LRRC8A: variants seen among roughly 807,000 people sequenced by gnomAD.
LRRC8A encodes the protein volume-regulated anion channel subunit LRRC8A.
LRRC8A carries 24 observed loss-of-function variants against 52.5 expected under a neutral mutation model. That is an observed-to-expected ratio of 0.46 (90% CI 0.33 to 0.64). LRRC8A has a LOEUF of 0.64. LRRC8A is among the 30% of genes least tolerant of loss of function. The pLI is 0.02. For synonymous variants in LRRC8A, 492 were observed against 494.2 expected, an observed-to-expected ratio of 1.00 and a Z score of 0.06; for missense variants, 677 against 1,094.7, an observed-to-expected ratio of 0.62 and a Z score of 5.38.
At chr9:128,896,062 C>T (rs1156246842) in intron 2 of LRRC8A, among the ~76,000 whole-genome samples, 1 of 152,206 alleles carries the variant, frequency 6.6e-6, no homozygotes. Context: ...AAGTCCCTTC[C>T]CCATTTTCTT....
intron 2 of LRRC8A, among the ~76,000 whole-genome samples, chr9:128,896,190 C>T (rs1044340907): frequency 6.6e-6 from 1 of 152,198 alleles, no homozygotes; most frequent in African/African-American, 2.4e-5. Context: ...GCATCATCTA[C>T]AACTTGTTTT....
rs756207612 is a variant in LRRC8A at position 128,909,037 on chromosome 9, A to C, written c.1873A>C (p.Asn625His). The C allele has an allele frequency of 2.7e-5, 43 of 1,614,020 alleles. 1 individual carries two copies. Among genetic ancestry groups the C allele is most frequent in the Middle Eastern group, 1.6e-4 (1 of 6,084 alleles). The stretch of plus-strand genomic sequence containing the variant: ...GCAGGAGATTGACCTCAAGGACAAC[A>C]ACCTCAAGACCATCGAGGAGATCAT... The part of the protein sequence containing the change: ...NLQEIDLKDN[N>H]LKTIEEIISF... Residue 625 changes from asparagine to histidine, a missense_variant, in exon 3 of 4, where the codon AAC becomes CAC. Around this residue, in one of 4 missense-constraint regions of LRRC8A, gnomAD observed 422 missense variants for 741.5 expected, o/e 0.57. Coordinates refer to ENST00000372600, the MANE Select transcript of LRRC8A (RefSeq NM_019594.4).
intron 2 of LRRC8A, among the ~76,000 whole-genome samples, chr9:128,886,979 C>G (rs1839423649): frequency 6.6e-6 from 1 of 152,154 alleles, no homozygotes; most frequent in Non-Finnish European, 1.5e-5. Context: ...GAATCCAGAC[C>G]CTGGAATCCT....
At chr9:128,900,928 A>C (rs2130988260) in intron 2 of LRRC8A, among the ~76,000 whole-genome samples, 1 of 152,012 alleles carries the variant, frequency 6.6e-6, no homozygotes, top group Admixed American at 6.6e-5. Flanking sequence ...TAATCCCCGC[A>C]CTGTGGGAAG....
At chr9:128,901,649 C>A (rs1197504013) in intron 2 of LRRC8A, among the ~76,000 whole-genome samples, 2 of 152,162 alleles carry the variant, frequency 1.3e-5, no homozygotes, top group East Asian at 3.9e-4. Context: ...TGGTATCATG[C>A]CCACCATGTA....
chr9:128,909,370 C>G, intron 3 of LRRC8A, 49 bp downstream of exon 3: 1 of 1,568,820 alleles, frequency 6.4e-7, no homozygotes. Context: ...GGTGGCCTGG[C>G]CAGGGCTTGT....
At chr9:128,915,348 AT>A (rs1840761548) in intron 3 of LRRC8A, among the ~76,000 whole-genome samples, 1 of 152,056 alleles carries the variant, frequency 6.6e-6, no homozygotes, top group Non-Finnish European at 1.5e-5. Flanking sequence ...TTTTTTTGAG[AT>A]GGAGTCTCAC....
chr9:128,917,912 G>C lies in LRRC8A; in HGVS notation c.*1541G>C, dbSNP rs924501267. 1 of 152,634 alleles carries C rather than the reference G, an allele frequency of 6.6e-6. No individual in the cohort carries two copies. Among genetic ancestry groups the C allele is most frequent in the Non-Finnish European group, 1.5e-5 (1 of 68,034 alleles). 9.5% of individuals were successfully genotyped at this position (152,634 alleles called of 1,614,324 possible). A position where few individuals can be genotyped will look rare whatever the true frequency, so the allele number is the denominator to read the frequency against. On this transcript the variant is annotated 3_prime_UTR_variant, in exon 4 of 4. Transcript: ENST00000372600. Reference sequence around the variant, plus strand: ...TCCGTCCATTTGTGTTTTCTGCGTCGTGTCATTGGATATAATCCTCAGAAA... The same window carrying C: ...TCCGTCCATTTGTGTTTTCTGCGTCCTGTCATTGGATATAATCCTCAGAAA...
rs552112364 is a variant in LRRC8A at position 128,889,700 on chromosome 9, G to A, written c.-9+3579G>A. ...AGTAGAGACGGGGTGTCACCATATT[G>A]GCCATGGCTGGTCTCGATCTCCTGA... On this transcript the variant is annotated intron_variant, in intron 2 of 3. Coordinates refer to ENST00000372600, the MANE Select transcript of LRRC8A (RefSeq NM_019594.4). Among the ~76,000 whole-genome samples, 16 of 151,954 alleles carry A rather than the reference G, an allele frequency of 1.1e-4. No homozygotes were observed. The South Asian group carries it at 2.7e-3, about 26-fold the overall frequency.
intron 2 of LRRC8A, among the ~76,000 whole-genome samples, chr9:128,904,805 T>C (rs141456169): frequency 0.014 from 2,084 of 151,660 alleles, 21 homozygotes; most frequent in East Asian, 0.023. Context: ...CCATCCTGGC[T>C]AACACGGTGA....
At chr9:128,905,587 G>A (rs1840213704) in intron 2 of LRRC8A, among the ~76,000 whole-genome samples, 2 of 152,214 alleles carry the variant, frequency 1.3e-5, no homozygotes, top group African/African-American at 4.8e-5. Flanking sequence ...GCTCACTCCT[G>A]TAATCCCAGC....
At chr9:128,890,000 A>G (rs1247235677) in intron 2 of LRRC8A, among the ~76,000 whole-genome samples, 1 of 151,106 alleles carries the variant, frequency 6.6e-6, no homozygotes, top group African/African-American at 2.4e-5. Context: ...ACGGGGTTTC[A>G]CCTTGTTGGT....
Position 128,916,453 on chromosome 9 carries a change from A to T in LRRC8A, c.*82A>T, listed in dbSNP as rs919749885. On this transcript the variant is annotated 3_prime_UTR_variant, in exon 4 of 4. Transcript: ENST00000372600. The surrounding 1 kb of genome is among the most constrained non-coding windows in gnomAD (Gnocchi z 6.1). ...AGGGGCAGGCCTAGCTTCTCCCAGA[A>T]CTCCCGGACAGCCAGGACAGCCTCG... The T allele has an allele frequency of 1.0e-5, 15 of 1,476,152 alleles. No individual in the cohort carries two copies. Among genetic ancestry groups the T allele is most frequent in the Admixed American group, 2.2e-5 (1 of 45,082 alleles). 91.4% of individuals were successfully genotyped at this position (1,476,152 alleles called of 1,614,324 possible). A position where few individuals can be genotyped will look rare whatever the true frequency, so the allele number is the denominator to read the frequency against.
At chr9:128,884,559 A>G (rs1839314512) in intron 1 of LRRC8A, among the ~76,000 whole-genome samples, 1 of 152,194 alleles carries the variant, frequency 6.6e-6, no homozygotes, top group South Asian at 2.1e-4. Flanking sequence ...CCATATTAAT[A>G]GAAATATTAC....
chr9:128,909,404 T>G, intron 3 of LRRC8A, 83 bp downstream of exon 3: 1 of 1,368,008 alleles, frequency 7.3e-7, no homozygotes, highest in Non-Finnish European at 1.0e-6. Context: ...GCAGGCTCAG[T>G]GTCCTGGGAC....
intron 1 of LRRC8A, among the ~76,000 whole-genome samples, chr9:128,885,697 T>C (rs111817513): frequency 0.047 from 7,199 of 152,110 alleles, 194 homozygotes; most frequent in Middle Eastern, 0.082. Flanking sequence ...CCCTGGAGGT[T>C]AGGAGTTTGA....
At chr9:128,910,189 G>A (rs1379339595) in intron 3 of LRRC8A, among the ~76,000 whole-genome samples, 5 of 152,302 alleles carry the variant, frequency 3.3e-5, no homozygotes, top group East Asian at 3.9e-4. Flanking sequence ...TCTTCCACCC[G>A]TCCTGGGGAC....
At chr9:128,903,615 T>A (rs894446169) in intron 2 of LRRC8A, among the ~76,000 whole-genome samples, 1 of 151,738 alleles carries the variant, frequency 6.6e-6, no homozygotes, top group South Asian at 2.1e-4. Flanking sequence ...GAGTTTCACC[T>A]TGTTAGCCAG....
At chr9:128,903,412 CTTTT>C (rs534139914) in intron 2 of LRRC8A, among the ~76,000 whole-genome samples, 3 of 132,446 alleles carry the variant, frequency 2.3e-5, no homozygotes, top group Non-Finnish European at 1.6e-5. Context: ...AGGTGCTGTT[CTTTT>C]TTTTTTTTTT....
Sources: gnomAD v4.1 joint callset for allele counts (sites outside exome capture counted in the v4.1 genomes callset) on GRCh38, gnomAD v4.1.1 for gene constraint, gnomAD v4.1.1 regional missense constraint, Gnocchi (gnomAD v3.1) non-coding constraint, MANE v1.5 for transcripts, NCBI Gene and HGNC (gene_info 2026-07-23, HGNC 2026-07-21) for gene names.